Variants in CEP128 observed in about 807,000 individuals in gnomAD.
CEP128 encodes centrosomal protein 128, also known as centrosomal protein 128kDa.
In CEP128, 132 loss-of-function variants were observed where a neutral mutation model predicts 156.7. The ratio of observed to expected loss-of-function variants is 0.84; its 90% CI spans 0.73 to 0.97. The LOEUF (loss-of-function observed/expected upper bound fraction) is 0.97. Among genes scored for constraint, CEP128 ranks in the 50% least tolerant of loss-of-function variants. The probability of loss-of-function intolerance (pLI) is 0.00; values close to 1 mark genes in which losing one functional copy is unlikely to be tolerated. For synonymous variants in CEP128, 469 were observed against 448.9 expected (o/e 1.04, Z -0.57); for missense variants, 1,252 against 1,281.9 (o/e 0.98, Z 0.36).
chr14:80,759,722 A>C (rs1056554412), intron 17 of CEP128, among the ~76,000 whole-genome samples: 2 of 152,150 alleles, frequency 1.3e-5, no homozygotes, highest in Admixed American at 6.5e-5. Flanking sequence ...CCATTACCAC[A>C]GTCACTCCAT....
intron 23 of CEP128, among the ~76,000 whole-genome samples, chr14:80,522,190 G>A (rs974299801): frequency 5.9e-5 from 9 of 152,132 alleles, no homozygotes; most frequent in Admixed American, 1.3e-4. Context: ...AACTTGAATT[G>A]TACCAGGAAT....
chr14:80,928,803 T>G (rs560560362), intron 2 of CEP128, among the ~76,000 whole-genome samples: 1 of 152,146 alleles, frequency 6.6e-6, no homozygotes, highest in African/African-American at 2.4e-5. Context: ...TAGGAAAAAC[T>G]CTTCTGGACA....
chr14:80,670,833 T>C (rs1460418098), intron 19 of CEP128, among the ~76,000 whole-genome samples: 1 of 152,188 alleles, frequency 6.6e-6, no homozygotes, highest in Non-Finnish European at 1.5e-5. Flanking sequence ...TTGAATCTAT[T>C]TTAGTACACA....
intron 20 of CEP128, among the ~76,000 whole-genome samples, chr14:80,566,297 C>G (rs1274256041): frequency 6.6e-6 from 1 of 152,108 alleles, no homozygotes; most frequent in African/African-American, 2.4e-5. Context: ...TATTTTTTCT[C>G]CTCAGCATTT....
chr14:80,869,778 A>G (rs904919274), intron 8 of CEP128, among the ~76,000 whole-genome samples: 8 of 152,040 alleles, frequency 5.3e-5, no homozygotes, highest in Non-Finnish European at 1.2e-4. Flanking sequence ...TATTAAGCCT[A>G]GTACCCAGGA....
intron 19 of CEP128, among the ~76,000 whole-genome samples, chr14:80,666,785 T>C (rs1895635130): frequency 6.9e-6 from 1 of 144,470 alleles, no homozygotes. Flanking sequence ...AGGAGAAAAC[T>C]AAAGCAGGGT....
intron 13 of CEP128, among the ~76,000 whole-genome samples, chr14:80,825,882 C>T (rs748181526): frequency 1.3e-5 from 2 of 151,908 alleles, no homozygotes; most frequent in Non-Finnish European, 2.9e-5. Context: ...CCAAGACGGG[C>T]GGATCATGAG....
chr14:80,890,457 T>G (rs541777965), intron 8 of CEP128, among the ~76,000 whole-genome samples: 1 of 152,204 alleles, frequency 6.6e-6, no homozygotes, highest in South Asian at 2.1e-4. Context: ...TTTAAAAAAA[T>G]GAGTTCTTGT....
At chr14:80,494,344 A>G, downstream of CEP128, among the ~76,000 whole-genome samples, 1 of 152,166 alleles carries the variant, frequency 6.6e-6, no homozygotes, top group East Asian at 1.9e-4. Context: ...AAACACTGGA[A>G]CAGTTTGTCT....
At chr14:80,822,926 C>T (rs2140005685) in intron 13 of CEP128, 1 of 474,352 alleles carries the variant, frequency 2.1e-6, no homozygotes, top group South Asian at 2.0e-5. Flanking sequence ...ACACAGAACA[C>T]TTCATTGTTG....
At chr14:80,841,244 A>C (rs112258489) in intron 9 of CEP128, among the ~76,000 whole-genome samples, 1 of 152,272 alleles carries the variant, frequency 6.6e-6, no homozygotes, top group African/African-American at 2.4e-5. Context: ...ATTTGTTTAA[A>C]AAATATTTTT....
At chr14:80,626,638 T>G (rs1054511376) in intron 19 of CEP128, among the ~76,000 whole-genome samples, 2 of 152,132 alleles carry the variant, frequency 1.3e-5, no homozygotes, top group Non-Finnish European at 1.5e-5. Context: ...GGAGAAAGAA[T>G]TCTCCCCTCA....
intron 23 of CEP128, among the ~76,000 whole-genome samples, chr14:80,522,804 G>T (rs1460063452): frequency 2.6e-5 from 4 of 152,212 alleles, no homozygotes; most frequent in Non-Finnish European, 5.9e-5. Flanking sequence ...CTTGATGAAA[G>T]AGAGGCCATG....
At chr14:80,878,001 G>A (rs958996691) in intron 8 of CEP128, among the ~76,000 whole-genome samples, 2 of 151,714 alleles carry the variant, frequency 1.3e-5, no homozygotes, top group South Asian at 2.1e-4. Flanking sequence ...GTGGCACCCC[G>A]CATGGCACAG....
chr14:80,762,831 T>C (rs778801762), intron 16 of CEP128, among the ~76,000 whole-genome samples: 33 of 152,102 alleles, frequency 2.2e-4, no homozygotes, highest in Non-Finnish European at 4.3e-4. Context: ...TCTCCAGGAG[T>C]TCATCTTAGT....
rs377295008 is a variant in CEP128 at position 80,936,720 on chromosome 14, A to G, written c.-16+2665T>C. Among the ~76,000 whole-genome samples, 162 of 152,338 alleles carry G rather than the reference A, an allele frequency of 1.1e-3. 3 individuals are homozygous for G. The South Asian group carries it at 0.032, about 30-fold the overall frequency. On this transcript the variant is annotated intron_variant, in intron 2 of 24. Transcript: ENST00000555265. ...CAAGAAAAAGAACAGTCCAGTTGTA[A>G]AAGACTCAAAAGATACATAAGCAGA...
At chr14:80,696,220 G>A (rs143476562) in intron 19 of CEP128, among the ~76,000 whole-genome samples, 2 of 152,310 alleles carry the variant, frequency 1.3e-5, no homozygotes, top group African/African-American at 4.8e-5. Flanking sequence ...GATTGGTTGA[G>A]TGAGTAAACA....
intron 23 of CEP128, among the ~76,000 whole-genome samples, chr14:80,510,662 C>A (rs1441381916): frequency 1.3e-5 from 2 of 152,020 alleles, no homozygotes. Context: ...AAGTGGGCAT[C>A]CTTGTCTTGT....
At position 80,481,231 on chromosome 14, in the gene CEP128, ATGGCAGG is replaced by A. The variant is rs1291822460; in HGVS notation, c.*311-2831_*311-2825del. Among the ~76,000 whole-genome samples, 8 of 152,338 alleles carry A rather than the reference ATGGCAGG, an allele frequency of 5.3e-5. No individual in the cohort carries two copies. In the South Asian group the frequency reaches 1.2e-3, roughly 24 times the overall value. On this transcript the variant is annotated intron_variant and NMD_transcript_variant, in intron 14 of 14. Coordinates refer to the CEP128 transcript ENST00000554502. ...GCACGGCTGGGGAGGCCTCAGAATC[ATGGCAGG>A]AGGCAAAAGGCACTTCTTACATGGC...
Sources: gnomAD v4.1 joint callset for allele counts (sites outside exome capture counted in the v4.1 genomes callset) on GRCh38, gnomAD v4.1.1 for gene constraint, MANE v1.5 for transcripts, NCBI Gene and HGNC (gene_info 2026-07-23, HGNC 2026-07-21) for gene names.